Variants in ATAD3B observed in about 807,000 individuals in gnomAD.
The protein encoded by ATAD3B is ATPase family AAA domain containing 3B.
In ATAD3B, 59 loss-of-function variants were observed where a neutral mutation model predicts 70.2. The observed-to-expected ratio is 0.84, with a 90% CI of 0.68 to 1.04. The LOEUF is 1.04. ATAD3B is among the 50% of genes least tolerant of loss of function. The pLI is 0.00. For missense variants in ATAD3B, 961 were observed against 913.4 expected (o/e 1.05, Z -0.67); for synonymous variants, 423 against 388.6 (o/e 1.09, Z -1.04).
At chr1:1,489,368 C>T (rs1640405851) in intron 13 of ATAD3B, 94 bp downstream of exon 13, 1 of 1,587,856 alleles carries the variant, frequency 6.3e-7, no homozygotes, top group African/African-American at 1.3e-5. Context: ...CAGTGCTGGG[C>T]ACCAGCTGTG....
the ATAD3B span, among the ~76,000 whole-genome samples, chr1:1,506,999 G>A: frequency 1.3e-5 from 2 of 151,938 alleles, no homozygotes; most frequent in African/African-American, 2.4e-5. Flanking sequence ...ATATTAGCCA[G>A]GATGGTCTCG....
At chr1:1,498,410 G>C (rs1019083926), downstream of ATAD3B, among the ~76,000 whole-genome samples, 1 of 151,862 alleles carries the variant, frequency 6.6e-6, no homozygotes, top group Admixed American at 6.6e-5. Flanking sequence ...GGTGACAGCC[G>C]AGATCGCACC....
chr1:1,496,295 T>G lies in ATAD3B; in HGVS notation c.*478T>G, dbSNP rs1640792611. ...CAAAGGTGACATAAGAGGCAGAGGC[T>G]GGAGCTTTCTGGAGAATTTACTGAT... On this transcript the variant is annotated 3_prime_UTR_variant, in exon 16 of 16. Coordinates refer to ENST00000673477, the MANE Select transcript of ATAD3B (RefSeq NM_031921.6). 2.7e-5 allele frequency: 25 copies of G among 934,834 alleles called. 1 individual carries two copies. In the South Asian group the frequency reaches 1.2e-3, roughly 46 times the overall value. The allele number at this position is 934,834 out of a possible 1,614,324, so 57.9% of individuals were successfully genotyped here.
chr1:1,486,124 A>T lies in ATAD3B; in HGVS notation c.978A>T (p.Ala326=), dbSNP rs200737370. The T allele has an allele frequency of 5.8e-5, 93 of 1,613,136 alleles. 1 individual carries two copies. In the East Asian group the frequency reaches 2.1e-3, roughly 36 times the overall value. The change falls in exon 10 of 16, where the codon GCA becomes GCT. Residue 326 remains alanine, a synonymous_variant. Coordinates refer to ENST00000673477, the MANE Select transcript of ATAD3B (RefSeq NM_031921.6). ...EGVVLSPSLE[A]RVRDIAIATR... is the part of the protein sequence containing the mutation. ...TTCCCCGGCAGCCCAGCCTGGAAGC[A>T]CGGGTGCGCGACATCGCCATAGCAA...
rs558132046 is a variant in ATAD3B, at chr1:1,482,456, G to A, written c.681-89G>A. On this transcript the variant is annotated intron_variant, in intron 6 of 15. Transcript: ENST00000673477. ...CCCTCTGTCCTGGCAAGGCCGTGCC[G>A]CCATGTCAGGGCCTCACCCTCAACC... 4.9e-4 allele frequency: 784 copies of A among 1,607,010 alleles called. 9 individuals carry two copies. The African/African-American group carries it at 8.5e-3, about 18-fold the overall frequency.
intron 7 of ATAD3B, chr1:1,483,636 G>A (rs3845299): frequency 0.026 from 4,196 of 158,476 alleles, 225 homozygotes; most frequent in African/African-American, 0.095. Context: ...GCCGGGCCTC[G>A]TGGCACAGGT....
the ATAD3B span, among the ~76,000 whole-genome samples, chr1:1,506,873 C>T: frequency 2.0e-5 from 3 of 151,370 alleles, no homozygotes; most frequent in East Asian, 3.9e-4. Context: ...CTGCAAGCTC[C>T]GCCTCTTGGG....
At chr1:1,498,944 A>G (rs925520440), downstream of ATAD3B, among the ~76,000 whole-genome samples, 9 of 148,222 alleles carry the variant, frequency 6.1e-5, no homozygotes, top group African/African-American at 2.3e-4. Flanking sequence ...TGACACAGGT[A>G]GCCCCTACTG....
At chr1:1,478,235 G>A in intron 2 of ATAD3B, 1 of 518,130 alleles carries the variant, frequency 1.9e-6, no homozygotes, top group South Asian at 2.4e-5. Flanking sequence ...GACCTCAGGT[G>A]ATCCAGCCAC....
chr1:1,507,160 G>C, the ATAD3B span, among the ~76,000 whole-genome samples: 1 of 152,134 alleles, frequency 6.6e-6, no homozygotes, highest in Admixed American at 6.5e-5. Context: ...TCCCTTTTCA[G>C]TTTGGATGAC....
chr1:1,491,222 T>C (rs1640525358), intron 15 of ATAD3B, among the ~76,000 whole-genome samples: 1 of 151,682 alleles, frequency 6.6e-6, no homozygotes, highest in Admixed American at 6.6e-5. Context: ...CTCACTGGAG[T>C]GTGGGCATGG....
Position 1,496,644 on chromosome 1 carries a change from C to G in ATAD3B, c.*827C>G, listed in dbSNP as rs1032177270. 10 of 151,904 alleles carry G rather than the reference C, an allele frequency of 6.6e-5. No homozygotes were observed. The highest frequency in any genetic ancestry group is 1.9e-4 in the African/African-American group (8 of 41,286). 9.4% of individuals were successfully genotyped at this position (151,904 alleles called of 1,614,324 possible). A position where few individuals can be genotyped will look rare whatever the true frequency, so the allele number is the denominator to read the frequency against. On this transcript the variant is annotated 3_prime_UTR_variant, in exon 16 of 16. Transcript: ENST00000673477. ...GAGACCACAGTCCTGGCATGCCATG[C>G]AGCTCCCTGTCCCCAGAGGTCTGCT...
intron 9 of ATAD3B, 35 bp from the exon 10 acceptor site, chr1:1,486,073 CAG>C: frequency 6.2e-7 from 1 of 1,612,582 alleles, no homozygotes; most frequent in East Asian, 2.2e-5. Context: ...TCCGTGGGTG[CAG>C]AGTGTCTCCC....
downstream of ATAD3B, among the ~76,000 whole-genome samples, chr1:1,501,659 G>A (rs1282689852): frequency 6.6e-6 from 1 of 152,086 alleles, no homozygotes; most frequent in Non-Finnish European, 1.5e-5. Flanking sequence ...CCAGAGTGCA[G>A]GGATTACAGG....
chr1:1,482,893 C>T (rs1430557003), intron 7 of ATAD3B, among the ~76,000 whole-genome samples: 2 of 151,782 alleles, frequency 1.3e-5, no homozygotes, highest in African/African-American at 4.8e-5. Flanking sequence ...TCCTGCTACT[C>T]GAGAGGCTGA....
chr1:1,475,942 G>T (rs1331070555), intron 1 of ATAD3B, among the ~76,000 whole-genome samples: 5 of 150,146 alleles, frequency 3.3e-5, no homozygotes, highest in Non-Finnish European at 7.4e-5. Context: ...AACAGGCAGA[G>T]CTCCTCACCG....
At position 1,485,848 on chromosome 1, in the gene ATAD3B, T is replaced by C; in HGVS notation, c.963+10T>C. ...GGGTGTTGTGCTTAGTGTAAGTCGG[T>C]GTGCCTGGGACCGGGGAGGTGCAGG... is the stretch of plus-strand genomic sequence containing the variant. On this transcript the variant is annotated intron_variant, in intron 9 of 15. Transcript: ENST00000673477. The C allele has an allele frequency of 1.2e-6, 2 of 1,612,884 alleles. No homozygotes were observed. Among genetic ancestry groups the C allele is most frequent in the African/African-American group, 2.7e-5 (2 of 74,930 alleles).
intron 4 of ATAD3B, among the ~76,000 whole-genome samples, chr1:1,479,996 A>T (rs1032553333): frequency 7.1e-6 from 1 of 141,466 alleles, no homozygotes; most frequent in Non-Finnish European, 1.5e-5. Context: ...GGACACACGC[A>T]CACCCCCTCA....
At position 1,486,564 on chromosome 1, in the gene ATAD3B, C is replaced by T. The variant is rs570011887; in HGVS notation, c.1110C>T (p.Gly370=). Residue 370 remains glycine (G), a synonymous_variant, in exon 11 of 16, where the codon GGC becomes GGT. Coordinates refer to ENST00000673477, the MANE Select transcript of ATAD3B (RefSeq NM_031921.6). ...TCCAGAAACTCGCCCTGCACTCAGG[C>T]ATGGACTACGCCATCATGACAGGCG... ...LFAKKLALHS[G]MDYAIMTGGD... 1.3e-5 allele frequency: 21 copies of T among 1,612,004 alleles called. No homozygotes were observed. The highest frequency in any genetic ancestry group is 1.7e-5 in the Admixed American group (1 of 59,934).
Sources: gnomAD v4.1 joint callset for allele counts (sites outside exome capture counted in the v4.1 genomes callset) on GRCh38, gnomAD v4.1.1 for gene constraint, MANE v1.5 for transcripts, NCBI Gene and HGNC (gene_info 2026-07-23, HGNC 2026-07-21) for gene names.